Variants in ADRA1D observed in about 807,000 individuals in gnomAD.
The protein encoded by ADRA1D is adrenoceptor alpha 1D, also known as alpha-1D adrenergic receptor.
ADRA1D carries 22 observed loss-of-function variants against 18.6 expected under a neutral mutation model. The observed-to-expected ratio is 1.19, with a 90% confidence interval of 0.85 to 1.69. The LOEUF (loss-of-function observed/expected upper bound fraction) is 1.69. ADRA1D is among the 40% of genes most tolerant of loss of function. The pLI, the probability that ADRA1D is intolerant of heterozygous loss-of-function variation, is 0.00. For synonymous variants in ADRA1D, 376 were observed against 388.2 expected (o/e 0.97, Z 0.37); for missense variants, 840 against 840.7 (o/e 1.00, Z 0.01).
intron 1 of ADRA1D, among the ~76,000 whole-genome samples, chr20:4,238,764 T>C (rs1335044181): frequency 2.6e-5 from 4 of 152,102 alleles, no homozygotes; most frequent in African/African-American, 7.2e-5. Flanking sequence ...TCAGCCTCCA[T>C]CCCAGAGCCA....
intron 1 of ADRA1D, among the ~76,000 whole-genome samples, chr20:4,241,037 A>T (rs1355045401): frequency 6.6e-6 from 1 of 152,230 alleles, no homozygotes. Context: ...CTGTCCTGTT[A>T]AAGATTTTTT....
chr20:4,248,871 C>T lies in ADRA1D; in HGVS notation c.87G>A (p.Gly29=). The T allele has an allele frequency of 1.9e-6, 2 of 1,079,808 alleles. No individual in the cohort carries two copies. Among genetic ancestry groups the T allele is most frequent in the Non-Finnish European group, 2.3e-6 (2 of 887,304 alleles). The allele number at this position is 1,079,808 out of a possible 1,614,324, so 66.9% of individuals were successfully genotyped here. The change falls in exon 1 of 2, where the codon GGG becomes GGA. Residue 29 remains glycine, a synonymous_variant. Coordinates refer to ENST00000379453, the MANE Select transcript of ADRA1D (RefSeq NM_000678.4). ...SAGGSSAGGG[G]GSAGGAAPSE... ...AGGGGGCCGCGCCGCCCGCGCTGCC[C>T]CCGCCGCCGCCCGCGCTGGAGCCCC...
At chr20:4,243,944 G>A (rs954888786) in intron 1 of ADRA1D, among the ~76,000 whole-genome samples, 2 of 152,204 alleles carry the variant, frequency 1.3e-5, no homozygotes, top group Non-Finnish European at 2.9e-5. Context: ...CTGGATTTTA[G>A]GTGCCCACAT....
In ADRA1D at chr20:4,232,934, A is replaced by ACCACAC. The variant is rs779739738; in HGVS notation, c.1112-10810_1112-10805dup. ...CGGGCTAAGGCCAAGCTTTGCCTCA[A>ACCACAC]CCACACCCTGGCTTTAGCTCTTCCC... On this transcript the variant is annotated intron_variant, in intron 1 of 1. Coordinates refer to ENST00000379453, the MANE Select transcript of ADRA1D (RefSeq NM_000678.4). Among the ~76,000 whole-genome samples, 13 of 152,296 alleles carry ACCACAC rather than the reference A, an allele frequency of 8.5e-5. 1 individual carries two copies. In the South Asian group the frequency reaches 2.1e-3, roughly 24 times the overall value.
At position 4,248,137 on chromosome 20, in the gene ADRA1D, T is replaced by C. The variant is rs1261665531; in HGVS notation, c.821A>G (p.Tyr274Cys). ...YLPMAVIVVM[Y>C]CRVYVVARST... ...GCGCGCGACCACGTACACGCGGCAG[T>C]ACATGACCACGATGACCGCCATGGG... is the stretch of plus-strand genomic sequence containing the variant. The change falls in exon 1 of 2, where the codon TAC becomes TGC. Residue 274 changes from tyrosine (Y) to cysteine (C), a missense_variant. By Grantham distance (194) the Tyr-to-Cys change is radical. Coordinates refer to ENST00000379453, the MANE Select transcript of ADRA1D (RefSeq NM_000678.4). 1.5e-5 allele frequency: 23 copies of C among 1,573,824 alleles called. No homozygotes were observed. The highest frequency in any genetic ancestry group is 2.0e-5 in the Non-Finnish European group (23 of 1,159,652).
chr20:4,224,247 G>A (rs1980740187), intron 1 of ADRA1D, among the ~76,000 whole-genome samples: 1 of 152,144 alleles, frequency 6.6e-6, no homozygotes, highest in Non-Finnish European at 1.5e-5. Flanking sequence ...CTGCTCATGG[G>A]CTGTTGAAAT....
intron 1 of ADRA1D, among the ~76,000 whole-genome samples, chr20:4,243,348 G>A (rs1309615580): frequency 3.6e-5 from 1 of 28,062 alleles, no homozygotes; most frequent in Non-Finnish European, 2.6e-4. Flanking sequence ...GGGCTCCTCG[G>A]GGCATCCGGC....
chr20:4,231,038 T>TTTTCTTTCTTTCTTTCTCTCTTTC (rs1980945347), intron 1 of ADRA1D, among the ~76,000 whole-genome samples: 1 of 108,526 alleles, frequency 9.2e-6, no homozygotes, highest in Non-Finnish European at 1.8e-5. Flanking sequence ...CTTTCTTTCT[T>TTTTCTTTCTTTCTTTCTCTCTTTC]TTTCTTTCTT....
chr20:4,233,490 C>T (rs1981018102), intron 1 of ADRA1D, among the ~76,000 whole-genome samples: 1 of 151,248 alleles, frequency 6.6e-6, no homozygotes, highest in African/African-American at 2.4e-5. Context: ...ATGTACCTGC[C>T]TTTTTTTTGA....
At position 4,248,681 on chromosome 20, in the gene ADRA1D, T is replaced by C. The variant is rs1206023880; in HGVS notation, c.277A>G (p.Ser93Gly). Reference sequence around the variant, plus strand: ...ACGCCCACGCCCACGCCCTGCGCGCTCACCACCAGTCCCCCGACGGCCGCC... The same window carrying C: ...ACGCCCACGCCCACGCCCTGCGCGCCCACCACCAGTCCCCCGACGGCCGCC... ...GTAAVGGLVV[S>G]AQGVGVGVFL... is the part of the protein sequence containing the mutation. The change falls in exon 1 of 2, where the codon AGC becomes GGC. Residue 93 changes from serine (S) to glycine (G), a missense_variant. Ser to Gly is a moderately conservative substitution (Grantham distance 56). Coordinates refer to ENST00000379453, the MANE Select transcript of ADRA1D (RefSeq NM_000678.4). 1 of 1,590,496 alleles carries C rather than the reference T, an allele frequency of 6.3e-7. No individual in the cohort carries two copies. The highest frequency in any genetic ancestry group is 1.1e-5 in the South Asian group (1 of 88,438).
In ADRA1D at chr20:4,222,333, T is replaced by C; in HGVS notation, c.1112-203A>G. 1 of 637,794 alleles carries C rather than the reference T, an allele frequency of 1.6e-6. No individual in the cohort carries two copies. The highest frequency in any genetic ancestry group is 2.4e-6 in the Non-Finnish European group (1 of 419,314). 39.5% of individuals were successfully genotyped at this position (637,794 alleles called of 1,614,324 possible). A position where few individuals can be genotyped will look rare whatever the true frequency, so the allele number is the denominator to read the frequency against. On this transcript the variant is annotated intron_variant, in intron 1 of 1. Coordinates refer to ENST00000379453, the MANE Select transcript of ADRA1D (RefSeq NM_000678.4). The surrounding 1 kb of genome is among the most constrained non-coding windows in gnomAD (Gnocchi z 4.3). The stretch of plus-strand genomic sequence containing the variant: ...GTTTTCACTCACCTCTACCTGATAT[T>C]GAGGATTACCTTCAATGAATGTAGG...
In ADRA1D at chr20:4,239,599, C is replaced by G. The variant is rs1388362241; in HGVS notation, c.1111+8248G>C. Among the ~76,000 whole-genome samples, 1 of 152,148 alleles carries G rather than the reference C, an allele frequency of 6.6e-6. No individual in the cohort carries two copies. The highest frequency in any genetic ancestry group is 1.9e-4 in the East Asian group (1 of 5,196). ...TATCAGATCAGAAAGCAAAGAAGAG[C>G]TCAAGATGCTCCAGGTTCTGCCAAA... On this transcript the variant is annotated intron_variant, in intron 1 of 1. Transcript: ENST00000379453. This position sits in a 1 kb window ranked among gnomAD's most constrained non-coding sequence, Gnocchi z 4.9.
At chr20:4,236,576 G>A (rs1482172139) in intron 1 of ADRA1D, among the ~76,000 whole-genome samples, 1 of 152,162 alleles carries the variant, frequency 6.6e-6, no homozygotes, top group Non-Finnish European at 1.5e-5. Flanking sequence ...CCTAGGAGAG[G>A]ACCGAGCCCC....
Position 4,243,787 on chromosome 20 carries a change from T to C in ADRA1D, c.1111+4060A>G, listed in dbSNP as rs372104668. Among the ~76,000 whole-genome samples the C allele has an allele frequency of 2.8e-3, 422 of 152,274 alleles. 1 individual carries two copies. The highest frequency in any genetic ancestry group is 9.8e-3 in the African/African-American group (407 of 41,564). On this transcript the variant is annotated intron_variant, in intron 1 of 1. Transcript: ENST00000379453. ...TGCTGCCCTCCCCAGCCTTGCTCCC[T>C]GAAATCGCAGCATCGGGGCACTTGC...
At chr20:4,245,403 G>C (rs1431118144) in intron 1 of ADRA1D, among the ~76,000 whole-genome samples, 1 of 152,202 alleles carries the variant, frequency 6.6e-6, no homozygotes, top group Non-Finnish European at 1.5e-5. Flanking sequence ...ATCTGTATAA[G>C]AGTGATATAC....
At chr20:4,224,325 G>T (rs1980741552) in intron 1 of ADRA1D, among the ~76,000 whole-genome samples, 3 of 152,148 alleles carry the variant, frequency 2.0e-5, no homozygotes, top group African/African-American at 7.2e-5. Flanking sequence ...TGAAAAAGGA[G>T]AGTGCCAGGG....
intron 1 of ADRA1D, among the ~76,000 whole-genome samples, chr20:4,237,646 C>A (rs1209353144): frequency 7.0e-6 from 1 of 143,102 alleles, no homozygotes; most frequent in Non-Finnish European, 1.5e-5. Flanking sequence ...CTAATCAAGA[C>A]TAATGTCAGG....
chr20:4,231,080 C>T (rs377495859), intron 1 of ADRA1D, among the ~76,000 whole-genome samples: 2,555 of 51,866 alleles, frequency 0.049, 37 homozygotes, highest in East Asian at 0.2. Context: ...CTCTCTCTCT[C>T]TCTTTTCTTT....
chr20:4,225,130 T>C (rs762471516), intron 1 of ADRA1D, among the ~76,000 whole-genome samples: 1 of 151,212 alleles, frequency 6.6e-6, no homozygotes, highest in African/African-American at 2.4e-5. Context: ...GCCTCCTGAG[T>C]AGCTGGGACT....
Sources: gnomAD v4.1 joint callset for allele counts (sites outside exome capture counted in the v4.1 genomes callset) on GRCh38, gnomAD v4.1.1 for gene constraint, Gnocchi (gnomAD v3.1) non-coding constraint, MANE v1.5 for transcripts, NCBI Gene and HGNC (gene_info 2026-07-23, HGNC 2026-07-21) for gene names.